CTNNA3: variants seen among roughly 807,000 people sequenced by gnomAD.
CTNNA3 encodes catenin alpha-3.
In CTNNA3, 76 loss-of-function variants were observed where a neutral mutation model predicts 95.7. That is an observed-to-expected ratio of 0.79 (90% CI 0.66 to 0.96). The LOEUF is 0.96. Ranked by LOEUF, CTNNA3 falls within the 40% of genes least tolerant of loss-of-function variation. The pLI is 0.00. For synonymous variants in CTNNA3, 431 were observed against 374.4 expected, an observed-to-expected ratio of 1.15 and a Z score of -1.74; for missense variants, 1,191 against 1,089.8, an observed-to-expected ratio of 1.09 and a Z score of -1.31.
chr10:66,099,836 T>C (rs1368307676), intron 14 of CTNNA3, among the ~76,000 whole-genome samples: 1 of 152,140 alleles, frequency 6.6e-6, no homozygotes, highest in East Asian at 1.9e-4. Flanking sequence ...GTTTGTTTTT[T>C]AGTAAAGGAC....
chr10:66,280,244 A>G (rs966095761), intron 13 of CTNNA3, among the ~76,000 whole-genome samples: 3 of 152,126 alleles, frequency 2.0e-5, no homozygotes, highest in Non-Finnish European at 4.4e-5. Flanking sequence ...CTGCACACGC[A>G]GCAGTAAAAT....
At chr10:66,024,047 T>C (rs2079280570) in intron 15 of CTNNA3, among the ~76,000 whole-genome samples, 1 of 150,626 alleles carries the variant, frequency 6.6e-6, no homozygotes, top group African/African-American at 2.4e-5. Flanking sequence ...CAAAAGTATG[T>C]AGCTCCTCTA....
At chr10:67,493,196 T>C (rs1838909958) in intron 5 of CTNNA3, among the ~76,000 whole-genome samples, 1 of 149,644 alleles carries the variant, frequency 6.7e-6, no homozygotes, top group South Asian at 2.1e-4. Context: ...AAGCTTCACC[T>C]AGCTCAACGT....
intron 12 of CTNNA3, among the ~76,000 whole-genome samples, chr10:66,313,228 C>G (rs1221210778): frequency 1.3e-5 from 2 of 152,116 alleles, no homozygotes; most frequent in African/African-American, 4.8e-5. Flanking sequence ...CTTTGAAGCT[C>G]AAATAAGATT....
At chr10:66,384,473 C>A (rs981054109) in intron 11 of CTNNA3, among the ~76,000 whole-genome samples, 3 of 152,108 alleles carry the variant, frequency 2.0e-5, no homozygotes, top group African/African-American at 7.2e-5. Flanking sequence ...AAGACTTAGA[C>A]TCTCATACAA....
At position 66,649,381 on chromosome 10, in the gene CTNNA3, G is replaced by A. The variant is rs80283112; in HGVS notation, c.1282-27597C>T. Among the ~76,000 whole-genome samples the A allele has an allele frequency of 3.9e-3, 597 of 152,248 alleles. 7 individuals are homozygous for A. The highest frequency in any genetic ancestry group is 0.013 in the African/African-American group (556 of 41,560). ...AGAAACCATGTGAGAGATTACAGAA[G>A]CTGAGTGGAGCACAGAAATAAGAAA... On this transcript the variant is annotated intron_variant, in intron 9 of 17. Transcript: ENST00000433211.
intron 10 of CTNNA3, among the ~76,000 whole-genome samples, chr10:66,620,116 A>G (rs1844692386): frequency 6.6e-6 from 1 of 152,154 alleles, no homozygotes; most frequent in Non-Finnish European, 1.5e-5. Flanking sequence ...TAACAACATA[A>G]TGTGGGAAAT....
At chr10:67,641,221 G>T (rs533698273) in intron 2 of CTNNA3, among the ~76,000 whole-genome samples, 46 of 152,172 alleles carry the variant, frequency 3.0e-4, no homozygotes, top group East Asian at 2.3e-3. Context: ...CTTCTCAAAA[G>T]AAGACATTTA....
At chr10:67,194,050 T>C (rs944714976) in intron 6 of CTNNA3, among the ~76,000 whole-genome samples, 1 of 152,118 alleles carries the variant, frequency 6.6e-6, no homozygotes, top group Non-Finnish European at 1.5e-5. Flanking sequence ...TTTGCATTTC[T>C]CTAAGATCAG....
chr10:66,052,292 G>A (rs936125513), intron 15 of CTNNA3, among the ~76,000 whole-genome samples: 2 of 152,228 alleles, frequency 1.3e-5, no homozygotes, highest in African/African-American at 2.4e-5. Flanking sequence ...GCCTGTAACA[G>A]CCAAGGTATA....
chr10:66,063,661 T>C (rs1019504604), intron 15 of CTNNA3, among the ~76,000 whole-genome samples: 2 of 152,028 alleles, frequency 1.3e-5, no homozygotes, highest in African/African-American at 4.8e-5. Flanking sequence ...ATATTATTGG[T>C]ATGATTTATA....
intron 16 of CTNNA3, among the ~76,000 whole-genome samples, chr10:65,971,340 T>A (rs1369223684): frequency 6.9e-6 from 1 of 144,174 alleles, no homozygotes; most frequent in Non-Finnish European, 1.5e-5. Context: ...ATTTGAGACC[T>A]AAAAATTCAT....
At chr10:67,447,943 A>G (rs2132952080) in intron 5 of CTNNA3, among the ~76,000 whole-genome samples, 1 of 152,356 alleles carries the variant, frequency 6.6e-6, no homozygotes, top group South Asian at 2.1e-4. Context: ...AAGAGATTCA[A>G]ATAAAGTGCT....
At chr10:67,593,769 G>A (rs748415989) in intron 3 of CTNNA3, among the ~76,000 whole-genome samples, 1 of 151,908 alleles carries the variant, frequency 6.6e-6, no homozygotes. Flanking sequence ...TTGACTGATT[G>A]TTCTGGCTAG....
chr10:67,386,701 G>A (rs1380850225), intron 5 of CTNNA3, among the ~76,000 whole-genome samples: 1 of 152,108 alleles, frequency 6.6e-6, no homozygotes, highest in Non-Finnish European at 1.5e-5. Flanking sequence ...TTTAAGAATA[G>A]TGCCAGAACA....
intron 7 of CTNNA3, among the ~76,000 whole-genome samples, chr10:67,130,174 C>T (rs986553479): frequency 1.3e-5 from 2 of 152,048 alleles, no homozygotes; most frequent in African/African-American, 2.4e-5. Context: ...TGTTGCTCCT[C>T]TATGAACCTC....
chr10:67,433,172 T>G (rs1269002667), intron 5 of CTNNA3, among the ~76,000 whole-genome samples: 1 of 152,008 alleles, frequency 6.6e-6, no homozygotes, highest in African/African-American at 2.4e-5. Context: ...TTGAGGCAAC[T>G]GTAGGGTTAT....
intron 7 of CTNNA3, among the ~76,000 whole-genome samples, chr10:67,106,353 T>C (rs963973773): frequency 6.6e-6 from 1 of 152,224 alleles, no homozygotes. Flanking sequence ...AATGAAAACA[T>C]GGTTTTGTTG....
At chr10:66,499,543 A>C (rs2131959967) in intron 11 of CTNNA3, among the ~76,000 whole-genome samples, 1 of 152,272 alleles carries the variant, frequency 6.6e-6, no homozygotes, top group South Asian at 2.1e-4. Flanking sequence ...GCTCAGGCTA[A>C]CCTTGAACTC....
Sources: allele counts gnomAD v4.1 joint callset (sites outside exome capture counted in the v4.1 genomes callset), GRCh38; gene constraint gnomAD v4.1.1; transcripts MANE v1.5; gene names NCBI Gene and HGNC (gene_info 2026-07-23, HGNC 2026-07-21).